NBAS: variants seen among roughly 807,000 people sequenced by gnomAD.
NBAS encodes the protein NAG/BC035112 fusion.
Under a neutral mutation model 302.5 loss-of-function variants are expected in NBAS, and 219 were observed. That is an observed-to-expected ratio of 0.72 (90% CI 0.65 to 0.81). NBAS has a LOEUF of 0.81. Ranked by LOEUF, NBAS falls within the 30% of genes least tolerant of loss-of-function variation. The probability of loss-of-function intolerance (pLI) is 0.00; values close to 1 mark genes in which losing one functional copy is unlikely to be tolerated. For missense variants in NBAS, 2,932 were observed against 2,841.6 expected, an observed-to-expected ratio of 1.03 and a Z score of -0.72; for synonymous variants, 1,118 against 1,021.6, an observed-to-expected ratio of 1.09 and a Z score of -1.80.
intron 49 of NBAS, among the ~76,000 whole-genome samples, chr2:15,188,136 T>C (rs1173839125): frequency 6.6e-6 from 1 of 152,232 alleles, no homozygotes; most frequent in African/African-American, 2.4e-5. Flanking sequence ...TATCAAGATA[T>C]GTTTTTCACC....
At chr2:15,329,803 C>G (rs944358223) in intron 36 of NBAS, among the ~76,000 whole-genome samples, 3 of 152,164 alleles carry the variant, frequency 2.0e-5, no homozygotes, top group African/African-American at 7.2e-5. Flanking sequence ...GACTCCTTTT[C>G]TGAAAAACCT....
intron 6 of NBAS, among the ~76,000 whole-genome samples, chr2:15,548,846 C>T (rs1050632130): frequency 1.4e-4 from 22 of 152,008 alleles, no homozygotes; most frequent in African/African-American, 5.1e-4. Flanking sequence ...AAGGAACCAT[C>T]TGTACGTGAA....
At chr2:14,830,928 A>G in the NBAS span, among the ~76,000 whole-genome samples, 1 of 152,142 alleles carries the variant, frequency 6.6e-6, no homozygotes, top group Non-Finnish European at 1.5e-5. Flanking sequence ...ATTTTAAGCT[A>G]CTGAGTTCAT....
At chr2:15,478,459 C>T (rs1039970740) in intron 12 of NBAS, among the ~76,000 whole-genome samples, 170 bp from the exon 13 acceptor site, 26 of 152,260 alleles carry the variant, frequency 1.7e-4, no homozygotes, top group African/African-American at 6.0e-4. Context: ...AGCAATTGTT[C>T]TTACACTTAA....
At chr2:14,986,951 C>A in the NBAS span, among the ~76,000 whole-genome samples, 1 of 151,814 alleles carries the variant, frequency 6.6e-6, no homozygotes, top group Admixed American at 6.6e-5. Context: ...TTCTGAAATA[C>A]CTGAAATAAA....
chr2:15,088,770 G>A, the NBAS span, among the ~76,000 whole-genome samples: 1 of 152,226 alleles, frequency 6.6e-6, no homozygotes, highest in African/African-American at 2.4e-5. Context: ...ACATGAGCAG[G>A]ACCATGCAGT....
chr2:15,236,527 C>CAAAA lies in NBAS; in HGVS notation c.5944-1784_5944-1781dup, dbSNP rs1167993098. Among the ~76,000 whole-genome samples the CAAAA allele has an allele frequency of 3.5e-3, 98 of 28,308 alleles. 5 individuals are homozygous for CAAAA. The highest frequency in any genetic ancestry group is 6.0e-3 in the Non-Finnish European group (81 of 13,398). 18.6% of individuals were successfully genotyped at this position (28,308 alleles called of 152,430 possible). ...TGGGCAACAGAGTGAGACCCTGTCT[C>CAAAA]AAAAAAAAAAAAAAAAAAAAAAAAA... is the stretch of plus-strand genomic sequence containing the variant. On this transcript the variant is annotated intron_variant, in intron 45 of 51. Transcript: ENST00000281513.
At chr2:15,440,155 T>C (rs1378453265) in intron 21 of NBAS, among the ~76,000 whole-genome samples, 10 of 152,200 alleles carry the variant, frequency 6.6e-5, no homozygotes, top group Non-Finnish European at 1.5e-4. Flanking sequence ...AAGAGAGCAG[T>C]GGTTCTCCCA....
At chr2:15,492,081 A>T (rs1003753001) in intron 11 of NBAS, among the ~76,000 whole-genome samples, 52 of 152,316 alleles carry the variant, frequency 3.4e-4, no homozygotes, top group African/African-American at 1.2e-3. Context: ...TTCTTTCTTG[A>T]ACTATCTTAT....
intron 11 of NBAS, among the ~76,000 whole-genome samples, chr2:15,490,138 C>G (rs569548112): frequency 6.6e-6 from 1 of 152,220 alleles, no homozygotes; most frequent in South Asian, 2.1e-4. Context: ...TGAAACATGA[C>G]TATACTGAAA....
the NBAS span, among the ~76,000 whole-genome samples, chr2:14,986,812 T>C: frequency 6.6e-6 from 1 of 152,102 alleles, no homozygotes; most frequent in African/African-American, 2.4e-5. Context: ...AAAGTAAGAC[T>C]CTTCAAAGTT....
chr2:14,906,961 A>T, the NBAS span, among the ~76,000 whole-genome samples: 1 of 151,936 alleles, frequency 6.6e-6, no homozygotes. Flanking sequence ...AATGACTTCG[A>T]GTTGAATCCC....
At chr2:15,198,576 G>A (rs1447785740) in intron 48 of NBAS, among the ~76,000 whole-genome samples, 2 of 152,074 alleles carry the variant, frequency 1.3e-5, no homozygotes, top group Non-Finnish European at 2.9e-5. Flanking sequence ...AGTGTGCTGG[G>A]GCCAGAACAT....
the NBAS span, among the ~76,000 whole-genome samples, chr2:15,064,220 A>G: frequency 3.1e-4 from 47 of 152,210 alleles, 1 homozygote; most frequent in South Asian, 3.1e-3. Flanking sequence ...AATAGAAAAA[A>G]TTAACAAACT....
chr2:15,561,333 G>C lies in NBAS; in HGVS notation c.-29C>G. ...CGCCGAGGACTCAGGCAGCGGAGGA[G>C]TGTCTCTACGGAATCCCTCACAGGA... On this transcript the variant is annotated 5_prime_UTR_variant, in exon 1 of 52. Transcript: ENST00000281513. The C allele has an allele frequency of 2.5e-6, 4 of 1,592,048 alleles. No individual in the cohort carries two copies. Among genetic ancestry groups the C allele is most frequent in the Non-Finnish European group, 3.4e-6 (4 of 1,164,506 alleles).
chr2:14,863,640 T>C, the NBAS span, among the ~76,000 whole-genome samples: 19,789 of 152,238 alleles, frequency 0.13, 2,321 homozygotes, highest in African/African-American at 0.31. Flanking sequence ...GATGTATACA[T>C]GCAGGTCACA....
chr2:14,943,348 T>G, the NBAS span, among the ~76,000 whole-genome samples: 10 of 152,224 alleles, frequency 6.6e-5, no homozygotes, highest in Admixed American at 6.5e-4. Flanking sequence ...TCATGTATAT[T>G]TTCATGTTAC....
At chr2:15,495,626 T>C (rs1423126489) in intron 11 of NBAS, among the ~76,000 whole-genome samples, 3 of 152,140 alleles carry the variant, frequency 2.0e-5, no homozygotes, top group Non-Finnish European at 2.9e-5. Flanking sequence ...TGGCTGCTTG[T>C]GGAGGGAGGG....
chr2:15,545,381 T>C (rs1252516885), intron 6 of NBAS, among the ~76,000 whole-genome samples: 2 of 152,164 alleles, frequency 1.3e-5, no homozygotes, highest in Non-Finnish European at 2.9e-5. Flanking sequence ...CCCAAAATTT[T>C]TTCTTGAAGA....
Sources: gnomAD v4.1 joint callset for allele counts (sites outside exome capture counted in the v4.1 genomes callset) on GRCh38, gnomAD v4.1.1 for gene constraint, MANE v1.5 for transcripts, NCBI Gene and HGNC (gene_info 2026-07-23, HGNC 2026-07-21) for gene names.